The following CA10 variants were observed in gnomAD, a reference collection of about 807,000 sequenced individuals.
The protein encoded by CA10 is carbonic anhydrase-related protein 10.
A neutral mutation model predicts 44.2 loss-of-function variants in CA10; 14 were observed. The ratio of observed to expected loss-of-function variants is 0.32; its 90% CI spans 0.21 to 0.50. The LOEUF is 0.50. CA10 is among the 20% of genes least tolerant of loss of function. The pLI, the probability that CA10 is intolerant of heterozygous loss-of-function variation, is 0.99. For synonymous variants in CA10, 159 were observed against 141.6 expected, an observed-to-expected ratio of 1.12 and a Z score of -0.87; for missense variants, 350 against 409.7, an observed-to-expected ratio of 0.85 and a Z score of 1.26.
intron 1 of CA10, among the ~76,000 whole-genome samples, chr17:52,121,164 A>G (rs1219730846): frequency 6.6e-5 from 10 of 152,202 alleles, no homozygotes. Context: ...TCCATATAGC[A>G]GATAGCCTCA....
chr17:52,133,016 A>T (rs1216873180), intron 1 of CA10, among the ~76,000 whole-genome samples: 1 of 152,152 alleles, frequency 6.6e-6, no homozygotes, highest in African/African-American at 2.4e-5. Context: ...GTATGCAGAT[A>T]AGGATTATAT....
chr17:52,051,429 T>C (rs1203098767), intron 2 of CA10, among the ~76,000 whole-genome samples: 3 of 150,478 alleles, frequency 2.0e-5, no homozygotes, highest in Admixed American at 6.6e-5. Context: ...CCAGCATTTA[T>C]AGATAACTTA....
chr17:52,080,453 AAAATAAAT>A (rs71357869), intron 1 of CA10, among the ~76,000 whole-genome samples: 8,754 of 137,944 alleles, frequency 0.063, 317 homozygotes, highest in African/African-American at 0.087. Flanking sequence ...CTCCATCTCA[AAAATAAAT>A]AAATAAATAA....
rs543725569 is a variant in CA10 at position 51,990,130 on chromosome 17, A to G, written c.137-58998T>C. ...CTAGCTCTTCAAAGATATATAGCTT[A>G]TACATCTTTTTTCTACAACTATTTA... On this transcript the variant is annotated intron_variant, in intron 2 of 8. Coordinates refer to ENST00000451037, the MANE Select transcript of CA10 (RefSeq NM_020178.5). 8.7e-4 allele frequency among the ~76,000 whole-genome samples: 133 copies of G among 152,246 alleles called. 1 individual carries two copies. The highest frequency in any genetic ancestry group is 2.9e-3 in the African/African-American group (122 of 41,562).
At chr17:51,862,110 CAGAT>C (rs763897296) in intron 3 of CA10, among the ~76,000 whole-genome samples, 54 of 152,170 alleles carry the variant, frequency 3.5e-4, no homozygotes, top group African/African-American at 1.2e-3. Context: ...AATTTTCTCA[CAGAT>C]AAAGTCAAGA....
intron 2 of CA10, among the ~76,000 whole-genome samples, chr17:52,005,446 G>T (rs918137456): frequency 3.9e-5 from 6 of 151,928 alleles, no homozygotes; most frequent in African/African-American, 1.4e-4. Flanking sequence ...CCTGGCCAAA[G>T]AGATTGGCCA....
chr17:51,686,198 G>T (rs1007248868), intron 4 of CA10, among the ~76,000 whole-genome samples: 1 of 152,144 alleles, frequency 6.6e-6, no homozygotes, highest in Admixed American at 6.5e-5. Context: ...GCTTGTCACC[G>T]TGTAAGACGT....
chr17:51,797,106 G>C (rs1008508962), intron 3 of CA10, among the ~76,000 whole-genome samples: 2 of 152,230 alleles, frequency 1.3e-5, no homozygotes, highest in African/African-American at 4.8e-5. Flanking sequence ...GAGAGCCTTT[G>C]CACAGCTCCA....
intron 2 of CA10, among the ~76,000 whole-genome samples, chr17:52,026,115 C>G (rs1455028656): frequency 2.6e-5 from 4 of 152,070 alleles, no homozygotes; most frequent in African/African-American, 9.7e-5. Context: ...CAAATATGGG[C>G]TCCCATTCAT....
intron 3 of CA10, among the ~76,000 whole-genome samples, chr17:51,753,768 G>A (rs1248284741): frequency 6.6e-6 from 1 of 152,148 alleles, no homozygotes. Context: ...ATCAGTCGGG[G>A]GCCAGAACTT....
At chr17:51,674,035 A>G (rs1914525939) in intron 4 of CA10, among the ~76,000 whole-genome samples, 1 of 152,210 alleles carries the variant, frequency 6.6e-6, no homozygotes, top group South Asian at 2.1e-4. Flanking sequence ...TTCACCCTCC[A>G]GGTAGAGATG....
chr17:51,974,985 T>C (rs1984413840), intron 2 of CA10, among the ~76,000 whole-genome samples: 1 of 152,256 alleles, frequency 6.6e-6, no homozygotes, highest in African/African-American at 2.4e-5. Flanking sequence ...GTTGAAAGAA[T>C]GAATTGCACA....
At chr17:51,803,375 CTCCTGCAT>C (rs1226086137) in intron 3 of CA10, among the ~76,000 whole-genome samples, 1 of 152,170 alleles carries the variant, frequency 6.6e-6, no homozygotes, top group African/African-American at 2.4e-5. Context: ...GCATCTCCCG[CTCCTGCAT>C]TCCTACATTC....
At chr17:52,154,721 A>T (rs1279912944) in intron 1 of CA10, among the ~76,000 whole-genome samples, 1 of 152,196 alleles carries the variant, frequency 6.6e-6, no homozygotes, top group African/African-American at 2.4e-5. Context: ...CTCCCAAATC[A>T]TGCCCTTTAG....
chr17:52,121,977 A>T (rs1465818673), intron 1 of CA10, among the ~76,000 whole-genome samples: 1 of 152,150 alleles, frequency 6.6e-6, no homozygotes, highest in Non-Finnish European at 1.5e-5. Flanking sequence ...CAGCAAACTA[A>T]CATCTCACCC....
intron 4 of CA10, among the ~76,000 whole-genome samples, chr17:51,725,020 C>A (rs759363683): frequency 6.6e-6 from 1 of 152,066 alleles, no homozygotes; most frequent in Admixed American, 6.5e-5. Flanking sequence ...TATAATGAGC[C>A]AGCAAAAAAG....
Position 52,157,774 on chromosome 17 carries a change from A to C in CA10, c.13T>G (p.Trp5Gly). Residue 5 changes from tryptophan to glycine, a missense_variant, in exon 1 of 9, where the codon TGG (tryptophan) becomes GGG (glycine). By Grantham distance (184) the Trp-to-Gly change is radical (BLOSUM62 -2). Coordinates refer to ENST00000451037, the MANE Select transcript of CA10 (RefSeq NM_020178.5). The stretch of plus-strand genomic sequence containing the variant: ...GCTTGAAGAAGAAAAAGCACCTCCC[A>C]GACTATTTCCATCCTCTGATTCTCA... MEIV[W>G]EVLFLLQANF... 6.2e-7 allele frequency: 1 copy of C among 1,613,932 alleles called. No homozygotes were observed.
At chr17:52,011,262 A>G (rs1985786795) in intron 2 of CA10, among the ~76,000 whole-genome samples, 1 of 151,984 alleles carries the variant, frequency 6.6e-6, no homozygotes, top group Non-Finnish European at 1.5e-5. Context: ...AAAATTTTCC[A>G]TAGTCAGCAA....
intron 3 of CA10, among the ~76,000 whole-genome samples, chr17:51,802,567 A>G (rs1341534174): frequency 2.0e-5 from 1 of 49,180 alleles, no homozygotes; most frequent in East Asian, 1.5e-3. Context: ...TGATGTCTGA[A>G]AAAAAAAAAA....
Sources: allele counts gnomAD v4.1 joint callset (sites outside exome capture counted in the v4.1 genomes callset), GRCh38; gene constraint gnomAD v4.1.1; transcripts MANE v1.5; gene names NCBI Gene and HGNC (gene_info 2026-07-23, HGNC 2026-07-21).